Variants in ATP13A1 observed in about 807,000 individuals in gnomAD.
ATP13A1 encodes the protein endoplasmic reticulum transmembrane helix translocase.
ATP13A1 carries 55 observed loss-of-function variants against 134.8 expected under a neutral mutation model. The ratio of observed to expected loss-of-function variants is 0.41; its 90% CI spans 0.33 to 0.51. ATP13A1 has a LOEUF of 0.51. ATP13A1 is among the 20% of genes least tolerant of loss of function. The pLI, the probability that ATP13A1 is intolerant of heterozygous loss-of-function variation, is 0.29. For missense variants in ATP13A1, 1,389 were observed against 1,652.8 expected (o/e 0.84, Z 2.77); for synonymous variants, 775 against 725.1 (o/e 1.07, Z -1.10).
Position 19,656,788 on chromosome 19 carries a change from G to C in ATP13A1, c.977-22C>G. 1 of 1,612,942 alleles carries C rather than the reference G, an allele frequency of 6.2e-7. No homozygotes were observed. The highest frequency in any genetic ancestry group is 1.1e-5 in the South Asian group (1 of 91,000). ...CGGCCTGCAGGGCAGAGGCAGGAGGGTTGGCCAGAGGCCCTGAGGCTGGGG... is the reference window on the plus strand; with the variant it reads ...CGGCCTGCAGGGCAGAGGCAGGAGGCTTGGCCAGAGGCCCTGAGGCTGGGG... On this transcript the variant is annotated intron_variant, in intron 6 of 25. Transcript: ENST00000357324. This position sits in a 1 kb window ranked among gnomAD's most constrained non-coding sequence, Gnocchi z 4.6.
intron 19 of ATP13A1, among the ~76,000 whole-genome samples, chr19:19,648,515 A>G (rs867854667): frequency 0.016 from 2,439 of 150,732 alleles, 27 homozygotes; most frequent in South Asian, 0.03. Context: ...AAAAAAAGAA[A>G]AAAGAAAAAA....
intron 17 of ATP13A1, chr19:19,650,287 A>G: frequency 3.1e-6 from 1 of 320,670 alleles, no homozygotes; most frequent in Non-Finnish European, 5.8e-6. Context: ...TCCTTGGGAA[A>G]CCCCACACCA....
Position 19,656,255 on chromosome 19 carries a change from G to T in ATP13A1, c.1084-72C>A. On this transcript the variant is annotated intron_variant, in intron 7 of 25. Transcript: ENST00000357324. The surrounding 1 kb of genome is among the most constrained non-coding windows in gnomAD (Gnocchi z 4.6). ...CCTTCTCCATCTGAGTTCCTGGACA[G>T]CTGGACCTTGAGGCTGGAATGAGCC... 6.5e-7 allele frequency: 1 copy of T among 1,533,958 alleles called. No homozygotes were observed. The highest frequency in any genetic ancestry group is 8.8e-7 in the Non-Finnish European group (1 of 1,141,446).
chr19:19,649,423 C>T (rs1384165672), intron 19 of ATP13A1, 144 bp downstream of exon 19: 4 of 859,208 alleles, frequency 4.7e-6, no homozygotes, highest in Non-Finnish European at 7.4e-6. Flanking sequence ...GCCCTCAAAG[C>T]CCCTGACCTT....
chr19:19,658,247 G>A (rs1018967625), intron 3 of ATP13A1, among the ~76,000 whole-genome samples: 1 of 151,742 alleles, frequency 6.6e-6, no homozygotes, highest in Non-Finnish European at 1.5e-5. Flanking sequence ...ATCTGATCAG[G>A]GCACCAGTCA....
chr19:19,660,998 G>A (rs565803595), intron 1 of ATP13A1, among the ~76,000 whole-genome samples: 1 of 151,728 alleles, frequency 6.6e-6, no homozygotes, highest in Admixed American at 6.6e-5. Flanking sequence ...ACAATCACTT[G>A]AACCTGGGAG....
chr19:19,660,823 T>C (rs1029158942), intron 1 of ATP13A1, among the ~76,000 whole-genome samples: 2 of 150,632 alleles, frequency 1.3e-5, no homozygotes, highest in Admixed American at 6.6e-5. Context: ...CTCACACCTG[T>C]AATCCCAGCA....
intron 17 of ATP13A1, chr19:19,651,346 C>T (rs1244072203): frequency 3.8e-5 from 7 of 185,270 alleles, no homozygotes; most frequent in East Asian, 2.6e-4. Context: ...GGCAGCTTGC[C>T]GGGCCAAAGA....
Position 19,655,385 on chromosome 19 carries a change from C to A in ATP13A1, c.1465G>T (p.Val489Leu). The A allele has an allele frequency of 6.2e-7, 1 of 1,613,916 alleles. No individual in the cohort carries two copies. The highest frequency in any genetic ancestry group is 8.5e-7 in the Non-Finnish European group (1 of 1,179,862). Residue 489 changes from valine (V) to leucine (L), a missense_variant, in exon 11 of 26, where the codon GTG becomes TTG. By Grantham distance (32) the Val-to-Leu change is conservative. Coordinates refer to ENST00000357324, the MANE Select transcript of ATP13A1 (RefSeq NM_020410.3). The surrounding 1 kb of genome is among the most constrained non-coding windows in gnomAD (Gnocchi z 5.7). ...LECTLILTSV[V>L]PPELPIELSL... is the part of the protein sequence containing the mutation. The stretch of plus-strand genomic sequence containing the variant: ...AGCTCGATGGGCAGCTCAGGAGGCA[C>A]GACCGAGGTGAGGATCAGGGTGCAC...
At chr19:19,657,519 A>G (rs1237420840) in intron 3 of ATP13A1, 111 bp from the exon 4 acceptor site, 1 of 1,125,540 alleles carries the variant, frequency 8.9e-7, no homozygotes, top group Non-Finnish European at 1.2e-6. Context: ...AGAAACCAAG[A>G]GCCATATGTG....
chr19:19,659,848 G>T (rs1376695912), intron 2 of ATP13A1, 50 bp downstream of exon 2: 1 of 1,595,870 alleles, frequency 6.3e-7, no homozygotes, highest in East Asian at 2.3e-5. Context: ...GTCAGCGCCT[G>T]GGAATCCTAC....
Position 19,649,721 on chromosome 19 carries a change from C to T in ATP13A1, c.2535+20G>A, listed in dbSNP as rs374416202. ...GCGTGCCTACCGCTGTGCCCCTGAC[C>T]CCTAGGGCTGTGCACATACCTTCTG... On this transcript the variant is annotated intron_variant, in intron 18 of 25. Transcript: ENST00000357324. The T allele has an allele frequency of 9.6e-5, 155 of 1,612,006 alleles. No homozygotes were observed. The African/African-American group carries it at 1.9e-3, about 19-fold the overall frequency.
intron 17 of ATP13A1, 30 bp from the exon 18 acceptor site, chr19:19,649,970 G>A (rs762684134): frequency 6.5e-7 from 1 of 1,548,670 alleles, no homozygotes; most frequent in East Asian, 2.4e-5. Flanking sequence ...TTAGGGCTGG[G>A]GGCTTGGCTG....
In ATP13A1 at chr19:19,653,403, G is replaced by A. The variant is rs951200819; in HGVS notation, c.2100+381C>T. On this transcript the variant is annotated intron_variant, in intron 15 of 25. Coordinates refer to ENST00000357324, the MANE Select transcript of ATP13A1 (RefSeq NM_020410.3). This position sits in a 1 kb window ranked among gnomAD's most constrained non-coding sequence, Gnocchi z 4.2. Reference sequence around the variant, plus strand: ...GCTGTAGGGTGCAAGCAGAAAGAACGAGAGCCCAGGAAGAAGCCAAGCGGC... The same window carrying A: ...GCTGTAGGGTGCAAGCAGAAAGAACAAGAGCCCAGGAAGAAGCCAAGCGGC... 14 of 282,930 alleles carry A rather than the reference G, an allele frequency of 4.9e-5. No individual in the cohort carries two copies. Among genetic ancestry groups the A allele is most frequent in the East Asian group, 8.8e-5 (1 of 11,332 alleles). 17.5% of individuals were successfully genotyped at this position (282,930 alleles called of 1,614,324 possible).
Position 19,663,387 on chromosome 19 carries a change from C to G in ATP13A1, c.280G>C (p.Val94Leu). 6.3e-7 allele frequency: 1 copy of G among 1,586,812 alleles called. No individual in the cohort carries two copies. The highest frequency in any genetic ancestry group is 1.1e-5 in the South Asian group (1 of 87,584). ...AGCWGWGSSW[V>L]QIPEAALLVL... ...AGCAGCGCAGCTTCGGGGATCTGCA[C>G]CCAACTGCTGCCCCAGCCCCAGCAG... Residue 94 changes from valine to leucine, a missense_variant, in exon 1 of 26, where the codon GTG becomes CTG. By Grantham distance (32) the Val-to-Leu change is conservative. Around this residue, in one of 4 missense-constraint regions of ATP13A1, gnomAD observed 293 missense variants for 270.8 expected, o/e 1.08. Coordinates refer to ENST00000357324, the MANE Select transcript of ATP13A1 (RefSeq NM_020410.3).
chr19:19,663,422 G>A lies in ATP13A1; in HGVS notation c.245C>T (p.Ala82Val), dbSNP rs1429575686. The A allele has an allele frequency of 6.3e-7, 1 of 1,575,302 alleles. No individual in the cohort carries two copies. Among genetic ancestry groups the A allele is most frequent in the Non-Finnish European group, 8.6e-7 (1 of 1,163,104 alleles). ...GCCCCAGCCCCAGCAGCCAGCGGCT[G>A]CGGCACCCAACCAGGCCGGGTAAAG... ...GLLYPAWLGA[A>V]AAGCWGWGSS... Residue 82 changes from alanine (A) to valine (V), a missense_variant, in exon 1 of 26, where the codon GCA becomes GTA. This residue lies in a region of ATP13A1 where 293 missense variants were observed against 270.8 expected (regional missense o/e 1.08). Transcript: ENST00000357324.
Position 19,655,540 on chromosome 19 carries a change from C to T in ATP13A1, c.1384G>A (p.Val462Ile). 1.2e-6 allele frequency: 2 copies of T among 1,614,012 alleles called. No homozygotes were observed. The highest frequency in any genetic ancestry group is 1.6e-4 in the Middle Eastern group (1 of 6,062). The change falls in exon 10 of 26, where the codon GTA becomes ATA. Residue 462 changes from valine to isoleucine, a missense_variant. Transcript: ENST00000357324. The surrounding 1 kb of genome is among the most constrained non-coding windows in gnomAD (Gnocchi z 5.7). Reference protein sequence around the residue: ...LVFAIAAAAYVWIEGTKDPSR... With the variant: ...LVFAIAAAAYIWIEGTKDPSR... The stretch of plus-strand genomic sequence containing the variant: ...CCGTGGCGCTTACCTTCAATCCATA[C>T]ATAGGCAGCTGCAGCGATGGCAAAC...
In ATP13A1 at chr19:19,655,908, G is replaced by T; in HGVS notation, c.1239C>A (p.Tyr413Ter). Residue 413 changes from tyrosine (Y) to a stop codon, truncating the protein, a stop_gained, in exon 9 of 26, where the codon TAC becomes TAA. Coordinates refer to ENST00000357324, the MANE Select transcript of ATP13A1 (RefSeq NM_020410.3). LOFTEE classifies it high-confidence loss of function. This position sits in a 1 kb window ranked among gnomAD's most constrained non-coding sequence, Gnocchi z 5.7. ...LKPVDSGCVA[Y>*]VLRTGFNTSQ... ...ATGTGTTGAATCCGGTCCGCAGGAC[G>T]TAGGCCACGCACCCGCTGTCAACCG... is the stretch of plus-strand genomic sequence containing the variant. 6.3e-7 allele frequency: 1 copy of T among 1,598,496 alleles called. No homozygotes were observed. The highest frequency in any genetic ancestry group is 8.5e-7 in the Non-Finnish European group (1 of 1,177,032).
At chr19:19,662,027 G>A (rs1293597592) in intron 1 of ATP13A1, 3 of 1,555,428 alleles carry the variant, frequency 1.9e-6, no homozygotes, top group Non-Finnish European at 2.6e-6. Flanking sequence ...CTGAAACTCA[G>A]AGAGCAGAAG....
Sources: gnomAD v4.1 joint callset for allele counts (sites outside exome capture counted in the v4.1 genomes callset) on GRCh38, gnomAD v4.1.1 for gene constraint, gnomAD v4.1.1 regional missense constraint, Gnocchi (gnomAD v3.1) non-coding constraint, MANE v1.5 for transcripts, NCBI Gene and HGNC (gene_info 2026-07-23, HGNC 2026-07-21) for gene names.